Variants in DOC2B observed in about 807,000 individuals in gnomAD.
DOC2B encodes the protein double C2 domain beta.
In DOC2B, 21 loss-of-function variants were observed where a neutral mutation model predicts 28.9. The observed-to-expected ratio is 0.73, with a 90% CI of 0.52 to 1.05. The LOEUF (loss-of-function observed/expected upper bound fraction) is 1.05. Ranked by LOEUF, DOC2B falls within the 50% of genes least tolerant of loss-of-function variation. DOC2B has a pLI of 0.00. For missense variants in DOC2B, 384 were observed against 421.1 expected (o/e 0.91, Z 0.77); for synonymous variants, 194 against 178.1 (o/e 1.09, Z -0.71).
chr17:169,066 G>T (rs1480983203), intron 2 of DOC2B, among the ~76,000 whole-genome samples: 1 of 152,214 alleles, frequency 6.6e-6, no homozygotes, highest in East Asian at 1.9e-4. Context: ...ACCTAGCCCT[G>T]CCCCGCCCTG....
Position 181,144 on chromosome 17 carries a change from G to A in DOC2B, c.336C>T (p.Asp112=), listed in dbSNP as rs1004570228. 6 of 1,253,680 alleles carry A rather than the reference G, an allele frequency of 4.8e-6. No homozygotes were observed. Among genetic ancestry groups the A allele is most frequent in the Non-Finnish European group, 6.0e-6 (6 of 1,000,162 alleles). 77.7% of individuals were successfully genotyped at this position (1,253,680 alleles called of 1,614,324 possible). The part of the protein sequence containing the change: ...PARPPAKPPE[D]EPDADGYESD... ...ACTCGTAGCCGTCGGCGTCCGGCTC[G>A]TCCTCCGGCGGCTTGGCTGGCGGCC... is the stretch of plus-strand genomic sequence containing the variant. The change falls in exon 1 of 9, where the codon GAC becomes GAT. Residue 112 remains aspartate, a synonymous_variant. Coordinates refer to ENST00000613549, the MANE Select transcript of DOC2B (RefSeq NM_003585.5). The surrounding 1 kb of genome is among the most constrained non-coding windows in gnomAD (Gnocchi z 7.0).
intron 1 of DOC2B, among the ~76,000 whole-genome samples, chr17:173,086 CACACAGG>C (rs1467757243): frequency 2.0e-5 from 3 of 152,234 alleles, no homozygotes; most frequent in Non-Finnish European, 4.4e-5. Context: ...CCCCAGCCAA[CACACAGG>C]ACTGCAGCTC....
intron 2 of DOC2B, among the ~76,000 whole-genome samples, chr17:172,152 C>T (rs998569584): frequency 1.8e-4 from 28 of 151,974 alleles, no homozygotes; most frequent in Non-Finnish European, 2.9e-5. Flanking sequence ...AGTGGCGTCC[C>T]CACTCCTCAG....
At position 144,311 on chromosome 17, in the gene DOC2B, T is replaced by C. The variant is rs1398119184; in HGVS notation, c.*3130A>G. 1 of 152,082 alleles carries C rather than the reference T, an allele frequency of 6.6e-6. No homozygotes were observed. The highest frequency in any genetic ancestry group is 2.1e-4 in the South Asian group (1 of 4,820). 9.4% of individuals were successfully genotyped at this position (152,082 alleles called of 1,614,324 possible). ...TCTTGCTCTGTCGCCCAGGCTGGAG[T>C]GCAGTGCCGCGATCTTGGCTCACTG... On this transcript the variant is annotated 3_prime_UTR_variant, in exon 9 of 9. Transcript: ENST00000613549.
At chr17:173,374 T>C (rs960956956) in intron 1 of DOC2B, among the ~76,000 whole-genome samples, 2 of 151,960 alleles carry the variant, frequency 1.3e-5, no homozygotes, top group African/African-American at 2.4e-5. Context: ...TTGGAGATGA[T>C]GGTGGGGGGC....
chr17:166,374 G>T (rs548754017), intron 2 of DOC2B, among the ~76,000 whole-genome samples: 15 of 152,382 alleles, frequency 9.8e-5, no homozygotes, highest in Admixed American at 7.2e-4. Context: ...GCTGTTTCCA[G>T]GGCAGGGAGC....
intron 1 of DOC2B, among the ~76,000 whole-genome samples, chr17:175,509 G>A (rs1412399226): frequency 1.3e-5 from 2 of 152,252 alleles, no homozygotes; most frequent in African/African-American, 4.8e-5. Context: ...TGGATCTGCT[G>A]TTCAGGTCAG....
intron 1 of DOC2B, among the ~76,000 whole-genome samples, chr17:178,253 A>G (rs1296799268): frequency 2.6e-5 from 4 of 152,212 alleles, no homozygotes; most frequent in African/African-American, 9.6e-5. Flanking sequence ...TTTGCTCTAC[A>G]AGGAAAAACG....
At chr17:172,148 G>A (rs902944447) in intron 2 of DOC2B, among the ~76,000 whole-genome samples, 1 of 151,946 alleles carries the variant, frequency 6.6e-6, no homozygotes, top group African/African-American at 2.4e-5. Context: ...GCAAAGTGGC[G>A]TCCCCACTCC....
rs138810715 is a variant in DOC2B, at chr17:161,293, C to A, written c.765+122G>T. The A allele has an allele frequency of 9.0e-4, 956 of 1,065,804 alleles. 6 individuals are homozygous for A. In the African/African-American group the frequency reaches 0.013, roughly 15 times the overall value. The allele number at this position is 1,065,804 out of a possible 1,614,324, so 66.0% of individuals were successfully genotyped here. ...CCCCCTTGACTCTCCATGCTCACCT[C>A]CCCGGTCTCCCCTCCCCTCTCACTC... On this transcript the variant is annotated intron_variant, in intron 5 of 8. Coordinates refer to ENST00000613549, the MANE Select transcript of DOC2B (RefSeq NM_003585.5).
chr17:181,004 C>G lies in DOC2B; in HGVS notation c.373+103G>C, dbSNP rs1303928582. On this transcript the variant is annotated intron_variant, in intron 1 of 8. Coordinates refer to ENST00000613549, the MANE Select transcript of DOC2B (RefSeq NM_003585.5). This position sits in a 1 kb window ranked among gnomAD's most constrained non-coding sequence, Gnocchi z 7.0. ...GGCGGGGTTGTGAACCGAGGCAGAGCGCGAGCGCGCGAGGGGGACCGGCGG... is the reference window on the plus strand; with the variant it reads ...GGCGGGGTTGTGAACCGAGGCAGAGGGCGAGCGCGCGAGGGGGACCGGCGG... 24 of 1,008,840 alleles carry G rather than the reference C, an allele frequency of 2.4e-5. No homozygotes were observed. Among genetic ancestry groups the G allele is most frequent in the Non-Finnish European group, 2.9e-5 (23 of 791,064 alleles). The allele number at this position is 1,008,840 out of a possible 1,614,324, so 62.5% of individuals were successfully genotyped here. A position where few individuals can be genotyped will look rare whatever the true frequency, so the allele number is the denominator to read the frequency against.
chr17:161,328 T>G, intron 5 of DOC2B, 87 bp downstream of exon 5: 2 of 1,371,496 alleles, frequency 1.5e-6, no homozygotes, highest in Non-Finnish European at 2.0e-6. Context: ...CTGCCCCTCA[T>G]GAGTCCCATC....
Position 180,969 on chromosome 17 carries a change from G to T in DOC2B, c.373+138C>A, listed in dbSNP as rs959081615. ...AGCGCACCGAGTGCGCCAGGGGCCCGCAAGCCCGCGGCGGGGTTGTGAACC... is the reference window on the plus strand; with the variant it reads ...AGCGCACCGAGTGCGCCAGGGGCCCTCAAGCCCGCGGCGGGGTTGTGAACC... On this transcript the variant is annotated intron_variant, in intron 1 of 8. Transcript: ENST00000613549. 6 of 727,908 alleles carry T rather than the reference G, an allele frequency of 8.2e-6. No individual in the cohort carries two copies. The African/African-American group carries it at 1.1e-4, about 13-fold the overall frequency. 45.1% of individuals were successfully genotyped at this position (727,908 alleles called of 1,614,324 possible). A position where few individuals can be genotyped will look rare whatever the true frequency, so the allele number is the denominator to read the frequency against.
At chr17:177,265 T>C (rs1381359193) in intron 1 of DOC2B, among the ~76,000 whole-genome samples, 1 of 152,168 alleles carries the variant, frequency 6.6e-6, no homozygotes, top group African/African-American at 2.4e-5. Context: ...AACATCTTCA[T>C]TCATCTGCTT....
At chr17:154,845 T>C (rs2040115132) in intron 6 of DOC2B, among the ~76,000 whole-genome samples, 1 of 152,146 alleles carries the variant, frequency 6.6e-6, no homozygotes, top group Non-Finnish European at 1.5e-5. Context: ...TTTTCCTGCC[T>C]CAGCCTCCCA....
intron 8 of DOC2B, 58 bp from the exon 9 acceptor site, chr17:147,635 G>A (rs1052479428): frequency 7.5e-5 from 30 of 398,744 alleles, no homozygotes; most frequent in Non-Finnish European, 1.1e-4. Flanking sequence ...CCAGGCGTGG[G>A]GCCCATGCCC....
chr17:166,699 C>G lies in DOC2B; in HGVS notation c.454-2495G>C, dbSNP rs147290426. ...TCACGAGATCTCATGGTCTGACACT[C>G]TTCTTGACGTAGTGAATACGTCTCA... On this transcript the variant is annotated intron_variant, in intron 2 of 8. Transcript: ENST00000613549. Among the ~76,000 whole-genome samples the G allele has an allele frequency of 7.0e-3, 869 of 123,790 alleles. 7 individuals are homozygous for G. The highest frequency in any genetic ancestry group is 0.02 in the African/African-American group (643 of 32,562). The allele number at this position is 123,790 out of a possible 152,430, so 81.2% of individuals were successfully genotyped here. A position where few individuals can be genotyped will look rare whatever the true frequency, so the allele number is the denominator to read the frequency against.
chr17:181,498 C>G lies in DOC2B; in HGVS notation c.-19G>C. On this transcript the variant is annotated 5_prime_UTR_variant, in exon 1 of 9. Transcript: ENST00000613549. The surrounding 1 kb of genome is among the most constrained non-coding windows in gnomAD (Gnocchi z 7.0). ...GGGTCATGCAGGCAGCGCCGCCCCG[C>G]CCCGGGCGCGGCCCGGCCCGGCGCG... 3 of 1,010,900 alleles carry G rather than the reference C, an allele frequency of 3.0e-6. No homozygotes were observed. Among genetic ancestry groups the G allele is most frequent in the Non-Finnish European group, 3.5e-6 (3 of 848,988 alleles). The allele number at this position is 1,010,900 out of a possible 1,614,324, so 62.6% of individuals were successfully genotyped here. A position where few individuals can be genotyped will look rare whatever the true frequency, so the allele number is the denominator to read the frequency against.
At chr17:169,363 G>C (rs1490412400) in intron 2 of DOC2B, among the ~76,000 whole-genome samples, 1 of 151,566 alleles carries the variant, frequency 6.6e-6, no homozygotes, top group Non-Finnish European at 1.5e-5. Context: ...GAGGAGGAAG[G>C]GGGAGCTGTT....
Sources: allele counts gnomAD v4.1 joint callset (sites outside exome capture counted in the v4.1 genomes callset), GRCh38; gene constraint gnomAD v4.1.1; non-coding constraint Gnocchi (gnomAD v3.1); transcripts MANE v1.5; gene names NCBI Gene and HGNC (gene_info 2026-07-23, HGNC 2026-07-21).